The following SPAG9 variants were observed in gnomAD, a reference collection of about 807,000 sequenced individuals.
SPAG9 encodes the protein sperm associated antigen 9, also known as C-Jun-amino-terminal kinase-interacting protein 4.
SPAG9 carries 35 observed loss-of-function variants against 166.5 expected under a neutral mutation model. The observed-to-expected ratio is 0.21, with a 90% confidence interval of 0.16 to 0.28. SPAG9 has a LOEUF of 0.28. Among genes scored for constraint, SPAG9 ranks in the 10% least tolerant of loss-of-function variants. The pLI, the probability that SPAG9 is intolerant of heterozygous loss-of-function variation, is 1.00. For missense variants in SPAG9, 1,235 were observed against 1,603.3 expected (o/e 0.77, Z 3.92); for synonymous variants, 534 against 565.5 (o/e 0.94, Z 0.79).
chr17:51,117,420 A>G (rs1353072574), intron 1 of SPAG9, among the ~76,000 whole-genome samples: 1 of 152,188 alleles, frequency 6.6e-6, no homozygotes, highest in African/African-American at 2.4e-5. Flanking sequence ...TCCGCATTAA[A>G]GACACAAACA....
chr17:51,048,209 T>C (rs1457889579), intron 3 of SPAG9, among the ~76,000 whole-genome samples: 6 of 152,176 alleles, frequency 3.9e-5, no homozygotes, highest in South Asian at 2.1e-4. Flanking sequence ...GTACATAAAC[T>C]GCCAAGAACT....
At chr17:50,999,353 G>A (rs2044823193) in intron 14 of SPAG9, 4 of 743,110 alleles carry the variant, frequency 5.4e-6, no homozygotes, top group Non-Finnish European at 8.2e-6. Context: ...TGGGGATCCA[G>A]GTCATTTTCA....
chr17:50,965,270 A>G lies in SPAG9; in HGVS notation c.*1002T>C, dbSNP rs1973305226. ...GCAGTTTGATACAGAACAAAAGAAA[A>G]TAACTTTTCTAATTAAATCCCTCAT... On this transcript the variant is annotated 3_prime_UTR_variant, in exon 30 of 30. Coordinates refer to ENST00000262013, the MANE Select transcript of SPAG9 (RefSeq NM_001130528.3). 1 of 152,170 alleles carries G rather than the reference A, an allele frequency of 6.6e-6. No individual in the cohort carries two copies. Among genetic ancestry groups the G allele is most frequent in the East Asian group, 1.9e-4 (1 of 5,192 alleles). The allele number at this position is 152,170 out of a possible 1,614,324, so 9.4% of individuals were successfully genotyped here.
At position 51,004,605 on chromosome 17, in the gene SPAG9, T is replaced by C. The variant is rs1407379510; in HGVS notation, c.1476+607A>G. On this transcript the variant is annotated intron_variant, in intron 12 of 29. Transcript: ENST00000262013. ...ATACAAAAAATTAGCCAAATTAGAC[T>C]TGTAGTCCCAGCTCCTCGGGAGGCT... Among the ~76,000 whole-genome samples, 4 of 152,162 alleles carry C rather than the reference T, an allele frequency of 2.6e-5. No individual in the cohort carries two copies. In the East Asian group the frequency reaches 7.7e-4, roughly 29 times the overall value.
At chr17:51,060,253 C>T (rs763591507) in intron 2 of SPAG9, among the ~76,000 whole-genome samples, 8 of 151,980 alleles carry the variant, frequency 5.3e-5, no homozygotes, top group Non-Finnish European at 1.2e-4. Context: ...ACCTGTAATC[C>T]CAGCACTTTG....
chr17:51,037,685 A>ATAGTGTGTGT lies in SPAG9; in HGVS notation c.741+3815_741+3816insACACACACTA. ...GTGTTTTATATATATATATATATAT[A>ATAGTGTGTGT]GTGTGTGTGTGTGTGTGTGTGTGTG... On this transcript the variant is annotated intron_variant, in intron 5 of 29. Coordinates refer to ENST00000262013, the MANE Select transcript of SPAG9 (RefSeq NM_001130528.3). Among the ~76,000 whole-genome samples, 10 of 83,510 alleles carry ATAGTGTGTGT rather than the reference A, an allele frequency of 1.2e-4. 1 individual carries two copies. The highest frequency in any genetic ancestry group is 8.2e-4 in the South Asian group (2 of 2,436). The allele number at this position is 83,510 out of a possible 152,430, so 54.8% of individuals were successfully genotyped here.
chr17:50,978,538 C>T (rs902725715), intron 26 of SPAG9, among the ~76,000 whole-genome samples: 6 of 152,078 alleles, frequency 3.9e-5, no homozygotes, highest in Non-Finnish European at 2.9e-5. Context: ...CTTCACGGGG[C>T]TTAGGGTCTG....
At chr17:50,974,696 A>T (rs1480554188) in intron 28 of SPAG9, 75 bp downstream of exon 28, 1 of 1,321,450 alleles carries the variant, frequency 7.6e-7, no homozygotes, top group Non-Finnish European at 1.0e-6. Context: ...GCCTTAGACT[A>T]TTAGGTAGTG....
At position 51,120,498 on chromosome 17, in the gene SPAG9, C is replaced by G; in HGVS notation, c.159G>C (p.Leu53=). ...CCAGGTTCTCCAGCACAGCCACCAC[C>G]AGCGGCATCAGCTCTTTGACCACCT... ...DEEVVKELMP[L]VVAVLENLDS... is the part of the protein sequence containing the mutation. The change falls in exon 1 of 30, where the codon CTG becomes CTC. Residue 53 remains leucine, a synonymous_variant. Coordinates refer to ENST00000262013, the MANE Select transcript of SPAG9 (RefSeq NM_001130528.3). The surrounding 1 kb of genome is among the most constrained non-coding windows in gnomAD (Gnocchi z 4.7). The G allele has an allele frequency of 6.2e-7, 1 of 1,614,028 alleles. No homozygotes were observed. The highest frequency in any genetic ancestry group is 8.5e-7 in the Non-Finnish European group (1 of 1,179,912).
intron 13 of SPAG9, 100 bp from the exon 14 acceptor site, chr17:50,999,817 G>T: frequency 1.1e-6 from 1 of 907,060 alleles, no homozygotes; most frequent in African/African-American, 1.7e-5. Context: ...GATACACAGA[G>T]GGGAGTCAAC....
chr17:50,987,984 G>A (rs1975196596), intron 21 of SPAG9, among the ~76,000 whole-genome samples: 1 of 152,184 alleles, frequency 6.6e-6, no homozygotes, highest in East Asian at 1.9e-4. Context: ...GGGAGGGTGA[G>A]GTGGGTGGAT....
At chr17:50,974,627 C>T in intron 28 of SPAG9, 144 bp downstream of exon 28, 1 of 603,462 alleles carries the variant, frequency 1.7e-6, no homozygotes, top group Non-Finnish European at 2.7e-6. Context: ...ACCTTAGTCA[C>T]ACCTCCATTA....
chr17:51,021,438 A>G, intron 6 of SPAG9, 73 bp from the exon 7 acceptor site: 1 of 1,213,010 alleles, frequency 8.2e-7, no homozygotes. Flanking sequence ...ATGGGTTGAG[A>G]AATAAATCTA....
intron 1 of SPAG9, among the ~76,000 whole-genome samples, chr17:51,101,454 G>A (rs1229627769): frequency 6.6e-6 from 1 of 151,568 alleles, no homozygotes; most frequent in Admixed American, 6.6e-5. Context: ...TCTGATGCCT[G>A]GCAAAAAATA....
chr17:51,107,767 T>C (rs1403995526), intron 1 of SPAG9, among the ~76,000 whole-genome samples: 3 of 146,910 alleles, frequency 2.0e-5, no homozygotes, highest in Non-Finnish European at 3.0e-5. Context: ...AAGGCAATAA[T>C]AGATGTTGCA....
chr17:50,977,184 T>G lies in SPAG9; in HGVS notation c.3447A>C (p.Thr1149=). Residue 1149 remains threonine (T), a synonymous_variant, in exon 27 of 30, where the codon ACA becomes ACC. Transcript: ENST00000262013. ...AACGATTACAAGACACCATAAGAGCTGTAATTCTCACAAAAGAGAAGCCCA... is the reference window on the plus strand; with the variant it reads ...AACGATTACAAGACACCATAAGAGCGGTAATTCTCACAAAAGAGAAGCCCA... The part of the protein sequence containing the change: ...GKLGFSFVRI[T]ALMVSCNRLW... 6.2e-7 allele frequency: 1 copy of G among 1,613,696 alleles called. No individual in the cohort carries two copies. The highest frequency in any genetic ancestry group is 1.1e-5 in the South Asian group (1 of 91,060).
At chr17:51,096,446 CA>C (rs2048651108) in intron 1 of SPAG9, among the ~76,000 whole-genome samples, 1 of 151,930 alleles carries the variant, frequency 6.6e-6, no homozygotes, top group South Asian at 2.1e-4. Flanking sequence ...GAAGTGTTGG[CA>C]AAGATACAAG....
rs369666358 is a variant in SPAG9 at position 51,096,291 on chromosome 17, G to A, written c.304-16587C>T. Among the ~76,000 whole-genome samples, 6 of 151,518 alleles carry A rather than the reference G, an allele frequency of 4.0e-5. No individual in the cohort carries two copies. The East Asian group carries it at 5.8e-4, about 15-fold the overall frequency. ...TTGAACCCAGGAGGCGGAGGTTGCA[G>A]TGAGCCAAGACTGCTCCACTGCACT... On this transcript the variant is annotated intron_variant, in intron 1 of 29. Coordinates refer to ENST00000262013, the MANE Select transcript of SPAG9 (RefSeq NM_001130528.3).
intron 19 of SPAG9, among the ~76,000 whole-genome samples, chr17:50,992,055 AT>A (rs1420727131): frequency 7.0e-6 from 1 of 143,432 alleles, no homozygotes; most frequent in African/African-American, 2.6e-5. Flanking sequence ...CTCCCGCCTC[AT>A]TTTTTGATTT....
Sources: allele counts gnomAD v4.1 joint callset (sites outside exome capture counted in the v4.1 genomes callset), GRCh38; gene constraint gnomAD v4.1.1; non-coding constraint Gnocchi (gnomAD v3.1); transcripts MANE v1.5; gene names NCBI Gene and HGNC (gene_info 2026-07-23, HGNC 2026-07-21).